The following SAMD3 variants were observed in gnomAD, a reference collection of about 807,000 sequenced individuals.
The protein encoded by SAMD3 is sterile alpha motif domain containing 3.
In SAMD3, 63 loss-of-function variants were observed where a neutral mutation model predicts 58.5. That is an observed-to-expected ratio of 1.08 (90% CI 0.88 to 1.33). The LOEUF (loss-of-function observed/expected upper bound fraction) is 1.33. Among genes scored for constraint, SAMD3 ranks in the 40% most tolerant of loss-of-function variants. The probability of loss-of-function intolerance (pLI) is 0.00; values close to 1 mark genes in which losing one functional copy is unlikely to be tolerated. For synonymous variants in SAMD3, 220 were observed against 210.3 expected, an observed-to-expected ratio of 1.05 and a Z score of -0.40; for missense variants, 604 against 608.4, an observed-to-expected ratio of 0.99 and a Z score of 0.08.
At chr6:130,177,438 A>T (rs71572914) in intron 7 of SAMD3, among the ~76,000 whole-genome samples, 14,402 of 152,096 alleles carry the variant, frequency 0.095, 1,081 homozygotes, top group African/African-American at 0.21. Context: ...CTGGACTTCT[A>T]CCTCAATATG....
At chr6:130,286,576 C>T (rs1775162499) in intron 2 of SAMD3, among the ~76,000 whole-genome samples, 2 of 152,124 alleles carry the variant, frequency 1.3e-5, no homozygotes, top group African/African-American at 4.8e-5. Flanking sequence ...GGTATGTACC[C>T]TTGGCCTACT....
chr6:130,211,567 A>G (rs1475431116), intron 4 of SAMD3, among the ~76,000 whole-genome samples: 2 of 152,006 alleles, frequency 1.3e-5, no homozygotes, highest in Admixed American at 6.6e-5. Context: ...TACAGGCATA[A>G]CCCACCACGC....
At chr6:130,263,703 C>T (rs556937373) in intron 2 of SAMD3, among the ~76,000 whole-genome samples, 1 of 152,194 alleles carries the variant, frequency 6.6e-6, no homozygotes, top group Admixed American at 6.5e-5. Context: ...CTAATGCTTG[C>T]CTTGTGGAGA....
intron 1 of SAMD3, among the ~76,000 whole-genome samples, chr6:130,346,139 C>A (rs907939843): frequency 3.3e-5 from 5 of 152,198 alleles, no homozygotes; most frequent in Admixed American, 2.0e-4. Flanking sequence ...CAGCTCCCAG[C>A]GTGAGTGACG....
At chr6:130,174,038 G>A (rs937008171) in intron 8 of SAMD3, among the ~76,000 whole-genome samples, 33 of 152,176 alleles carry the variant, frequency 2.2e-4, no homozygotes, top group African/African-American at 6.3e-4. Context: ...CACCAAGCTC[G>A]ATCATCCCAG....
chr6:130,169,236 CCACA>C (rs759333967), intron 8 of SAMD3, among the ~76,000 whole-genome samples: 2 of 151,710 alleles, frequency 1.3e-5, no homozygotes, highest in African/African-American at 4.8e-5. Context: ...TGGAACCCCC[CCACA>C]CACACACACT....
At chr6:130,159,122 C>A (rs1790055783) in intron 8 of SAMD3, among the ~76,000 whole-genome samples, 1 of 152,154 alleles carries the variant, frequency 6.6e-6, no homozygotes, top group African/African-American at 2.4e-5. Flanking sequence ...TAATTCCCAC[C>A]TGTTGTGGGA....
At chr6:130,240,490 T>C (rs1773317106) in intron 2 of SAMD3, among the ~76,000 whole-genome samples, 6 of 152,176 alleles carry the variant, frequency 3.9e-5, no homozygotes. Flanking sequence ...GGCTCTTACA[T>C]CAATTTTGAA....
intron 1 of SAMD3, among the ~76,000 whole-genome samples, chr6:130,335,624 G>A (rs1777075170): frequency 6.6e-6 from 1 of 152,142 alleles, no homozygotes; most frequent in East Asian, 1.9e-4. Context: ...TACAGATCTA[G>A]AACTAGAAAT....
chr6:130,301,810 C>T (rs1583071386), intron 2 of SAMD3, among the ~76,000 whole-genome samples: 2 of 152,278 alleles, frequency 1.3e-5, no homozygotes, highest in East Asian at 3.9e-4. Flanking sequence ...CTACAACCAA[C>T]TGGTCTTTGA....
chr6:130,205,693 C>A, intron 5 of SAMD3, among the ~76,000 whole-genome samples: 1 of 152,196 alleles, frequency 6.6e-6, no homozygotes, highest in East Asian at 1.9e-4. Context: ...AAAACATGGT[C>A]ATTGTCCTTG....
At chr6:130,271,124 C>T (rs1387630101) in intron 2 of SAMD3, among the ~76,000 whole-genome samples, 2 of 152,060 alleles carry the variant, frequency 1.3e-5, no homozygotes, top group Non-Finnish European at 2.9e-5. Context: ...CTTTGCCTCC[C>T]AAGTAGCTGG....
chr6:130,146,547 T>G (rs992393365), intron 9 of SAMD3, among the ~76,000 whole-genome samples: 7 of 152,240 alleles, frequency 4.6e-5, no homozygotes, highest in African/African-American at 1.7e-4. Context: ...TGTTATGTCT[T>G]GTTCAACAAG....
In SAMD3 at chr6:130,207,164, AAAAAAAAAG is replaced by A. The variant is rs1343323894; in HGVS notation, c.383+2322_383+2330del. On this transcript the variant is annotated intron_variant, in intron 5 of 11. Transcript: ENST00000439090. ...GGTGATAGACCCCATCTCATCAAAA[AAAAAAAAAG>A]AAAAAAAAGAAAAAGAAAAAAAAAG... Among the ~76,000 whole-genome samples the A allele has an allele frequency of 8.4e-5, 11 of 130,574 alleles. 1 individual carries two copies. Among genetic ancestry groups the A allele is most frequent in the Admixed American group, 3.7e-4 (5 of 13,550 alleles). The allele number at this position is 130,574 out of a possible 152,430, so 85.7% of individuals were successfully genotyped here. A position where few individuals can be genotyped will look rare whatever the true frequency, so the allele number is the denominator to read the frequency against.
At chr6:130,356,074 G>A (rs961278315) in intron 1 of SAMD3, among the ~76,000 whole-genome samples, 3 of 152,008 alleles carry the variant, frequency 2.0e-5, no homozygotes, top group Non-Finnish European at 4.4e-5. Flanking sequence ...GTGAAAATGC[G>A]AATCAGATTG....
chr6:130,272,240 C>A (rs1312077690), intron 2 of SAMD3, among the ~76,000 whole-genome samples: 1 of 152,060 alleles, frequency 6.6e-6, no homozygotes, highest in African/African-American at 2.4e-5. Flanking sequence ...ATTTAATAAT[C>A]CCTTTTTCTC....
At position 130,215,214 on chromosome 6, in the gene SAMD3, C is replaced by T. The variant is rs750865190; in HGVS notation, c.60G>A (p.Glu20=). 3 of 1,601,438 alleles carry T rather than the reference C, an allele frequency of 1.9e-6. No homozygotes were observed. Among genetic ancestry groups the T allele is most frequent in the African/African-American group, 2.7e-5 (2 of 74,552 alleles). The part of the protein sequence containing the change: ...CSWLVEKNLG[E]LVHRFQEEEV... ...ACTCACCTTGAAATCTATGAACTAG[C>T]TCTCCTAAATTTTTCTCCACCAACC... Residue 20 remains glutamate, a synonymous_variant, in exon 3 of 12, where the codon GAG becomes GAA. Coordinates refer to ENST00000439090, the MANE Select transcript of SAMD3 (RefSeq NM_001017373.4).
chr6:130,288,955 C>T (rs4897403), intron 2 of SAMD3, among the ~76,000 whole-genome samples: 73,357 of 152,042 alleles, frequency 0.48, 21,673 homozygotes, highest in African/African-American at 0.84. Context: ...CAAACATCAC[C>T]CTTTGGTTAA....
chr6:130,162,956 T>G (rs1481334229), intron 8 of SAMD3, among the ~76,000 whole-genome samples: 1 of 152,188 alleles, frequency 6.6e-6, no homozygotes, highest in Non-Finnish European at 1.5e-5. Context: ...TTATTATTTT[T>G]TAATAGAAGA....
Sources: allele counts gnomAD v4.1 joint callset (sites outside exome capture counted in the v4.1 genomes callset), GRCh38; gene constraint gnomAD v4.1.1; transcripts MANE v1.5; gene names NCBI Gene and HGNC (gene_info 2026-07-23, HGNC 2026-07-21).